DLG2: variants seen among roughly 807,000 people sequenced by gnomAD.
DLG2 encodes discs large MAGUK scaffold protein 2, also known as disks large homolog 2.
Under a neutral mutation model 132.5 loss-of-function variants are expected in DLG2, and 45 were observed. The observed-to-expected ratio is 0.34, with a 90% CI of 0.27 to 0.44. The LOEUF (loss-of-function observed/expected upper bound fraction) is 0.44. Among genes scored for constraint, DLG2 ranks in the 20% least tolerant of loss-of-function variants. The pLI, the probability that DLG2 is intolerant of heterozygous loss-of-function variation, is 1.00. For missense variants in DLG2, 1,045 were observed against 1,196.9 expected, an observed-to-expected ratio of 0.87 and a Z score of 1.87; for synonymous variants, 424 against 419.6, an observed-to-expected ratio of 1.01 and a Z score of -0.13.
At chr11:85,623,239 G>A (rs897043323) in intron 2 of DLG2, among the ~76,000 whole-genome samples, 5 of 151,796 alleles carry the variant, frequency 3.3e-5, no homozygotes, top group Non-Finnish European at 7.4e-5. Flanking sequence ...GGAAATAAAG[G>A]GTCATATAAA....
chr11:83,932,500 C>T (rs1253216918), intron 14 of DLG2, among the ~76,000 whole-genome samples: 1 of 152,126 alleles, frequency 6.6e-6, no homozygotes. Context: ...TCCCAAAGTG[C>T]TGGGATTACA....
intron 18 of DLG2, among the ~76,000 whole-genome samples, chr11:83,661,482 A>G (rs1220351838): frequency 6.6e-6 from 1 of 152,214 alleles, no homozygotes; most frequent in Admixed American, 6.5e-5. Context: ...TGGAGCACCT[A>G]CTATGTGCCA....
chr11:83,836,439 A>T (rs1193618733), intron 16 of DLG2, among the ~76,000 whole-genome samples: 1 of 151,832 alleles, frequency 6.6e-6, no homozygotes, highest in Non-Finnish European at 1.5e-5. Flanking sequence ...CACATTCCTC[A>T]CCCCATGGCT....
At chr11:84,246,242 T>G (rs1457605291) in intron 8 of DLG2, among the ~76,000 whole-genome samples, 1 of 152,232 alleles carries the variant, frequency 6.6e-6, no homozygotes, top group Non-Finnish European at 1.5e-5. Flanking sequence ...AAGTTGCAAA[T>G]TGCTTTCTAT....
intron 19 of DLG2, among the ~76,000 whole-genome samples, chr11:83,610,245 T>A (rs531872596): frequency 6.6e-6 from 1 of 152,204 alleles, no homozygotes; most frequent in South Asian, 2.1e-4. Context: ...CCTCTTCCTA[T>A]CTATGTGGTT....
In DLG2 at chr11:85,221,975, C is replaced by T. The variant is rs186608928; in HGVS notation, c.186+63245G>A. ...TTTCTTGAGACAGAGTCTCACTCTG[C>T]CAGCCAGGCTGGAATGCAGTGGCAC... On this transcript the variant is annotated intron_variant, in intron 4 of 27. Transcript: ENST00000376104. 4.0e-3 allele frequency among the ~76,000 whole-genome samples: 600 copies of T among 151,586 alleles called. 3 individuals are homozygous for T. Among genetic ancestry groups the T allele is most frequent in the Non-Finnish European group, 6.6e-3 (446 of 67,896 alleles).
intron 8 of DLG2, among the ~76,000 whole-genome samples, chr11:84,185,657 G>A (rs990624054): frequency 4.6e-5 from 7 of 152,120 alleles, no homozygotes; most frequent in East Asian, 1.9e-4. Flanking sequence ...GCCAGTTTTC[G>A]AAGGGAATGC....
chr11:85,503,155 G>T (rs1444123171), intron 3 of DLG2, among the ~76,000 whole-genome samples: 1 of 151,948 alleles, frequency 6.6e-6, no homozygotes, highest in South Asian at 2.1e-4. Context: ...ACCTACAGAG[G>T]TGATTAATTA....
At chr11:85,177,507 C>T (rs1220610767) in intron 4 of DLG2, among the ~76,000 whole-genome samples, 2 of 152,028 alleles carry the variant, frequency 1.3e-5, no homozygotes, top group Non-Finnish European at 2.9e-5. Flanking sequence ...ACAACACACA[C>T]TGGGGCCTTA....
intron 4 of DLG2, among the ~76,000 whole-genome samples, chr11:85,160,173 A>G (rs886156292): frequency 1.3e-5 from 2 of 152,214 alleles, no homozygotes; most frequent in African/African-American, 4.8e-5. Context: ...GAAGCAACAC[A>G]TTCCTCATTT....
intron 9 of DLG2, 136 bp downstream of exon 9, chr11:84,163,325 T>C: frequency 2.9e-6 from 2 of 689,056 alleles, no homozygotes; most frequent in East Asian, 3.0e-5. Context: ...TTCATTAATA[T>C]TCTCATTGTG....
chr11:84,307,950 G>A (rs1192495997), intron 7 of DLG2, among the ~76,000 whole-genome samples: 1 of 152,170 alleles, frequency 6.6e-6, no homozygotes, highest in Non-Finnish European at 1.5e-5. Flanking sequence ...GGCTTCAGGA[G>A]TGAAGTTGCA....
At chr11:84,038,096 T>C (rs921129556) in intron 11 of DLG2, among the ~76,000 whole-genome samples, 2 of 152,048 alleles carry the variant, frequency 1.3e-5, no homozygotes, top group Non-Finnish European at 2.9e-5. Flanking sequence ...CCATTAGTTA[T>C]TTTTCCTGAT....
intron 6 of DLG2, among the ~76,000 whole-genome samples, chr11:84,652,283 C>T (rs1039381232): frequency 1.2e-4 from 18 of 152,006 alleles, no homozygotes; most frequent in Admixed American, 3.3e-4. Flanking sequence ...TTGTAATAGT[C>T]TAATGAGAAA....
intron 7 of DLG2, among the ~76,000 whole-genome samples, chr11:84,488,099 T>C (rs558398214): frequency 6.6e-5 from 10 of 152,286 alleles, no homozygotes; most frequent in African/African-American, 9.6e-5. Context: ...ACTTCCAGCA[T>C]TGCCCCTCAG....
intron 7 of DLG2, among the ~76,000 whole-genome samples, chr11:84,468,363 C>T (rs942950466): frequency 4.6e-5 from 7 of 151,326 alleles, no homozygotes; most frequent in African/African-American, 1.5e-4. Flanking sequence ...GAAAGGAATG[C>T]AAATTTTCCC....
chr11:83,466,273 GA>G (rs1293843153), intron 26 of DLG2, among the ~76,000 whole-genome samples: 2 of 152,048 alleles, frequency 1.3e-5, no homozygotes, highest in Non-Finnish European at 2.9e-5. Context: ...CATTTAAAAA[GA>G]TTTACTTATA....
chr11:85,180,245 C>A (rs1222636807), intron 4 of DLG2, among the ~76,000 whole-genome samples: 1 of 151,826 alleles, frequency 6.6e-6, no homozygotes, highest in Non-Finnish European at 1.5e-5. Context: ...CACCAGAGAA[C>A]AGTTGTAATT....
intron 18 of DLG2, among the ~76,000 whole-genome samples, chr11:83,775,979 C>A (rs898747546): frequency 3.9e-5 from 6 of 152,116 alleles, no homozygotes; most frequent in African/African-American, 1.4e-4. Context: ...GTAGTCCCAG[C>A]TACTCGGGAG....
Sources: allele counts gnomAD v4.1 joint callset (sites outside exome capture counted in the v4.1 genomes callset), GRCh38; gene constraint gnomAD v4.1.1; transcripts MANE v1.5; gene names NCBI Gene and HGNC (gene_info 2026-07-23, HGNC 2026-07-21).